Variants in STAB2 observed in about 807,000 individuals in gnomAD.
STAB2 encodes the protein stabilin-2.
STAB2 carries 288 observed loss-of-function variants against 338.1 expected under a neutral mutation model. That is an observed-to-expected ratio of 0.85 (90% confidence interval 0.77 to 0.94). The LOEUF (loss-of-function observed/expected upper bound fraction) is 0.94. Among genes scored for constraint, STAB2 ranks in the 40% least tolerant of loss-of-function variants. The pLI is 0.00. For synonymous variants in STAB2, 1,202 were observed against 1,193.3 expected (o/e 1.01, Z -0.15); for missense variants, 3,141 against 3,210.1 (o/e 0.98, Z 0.52).
intron 63 of STAB2, 68 bp from the exon 64 acceptor site, chr12:103,758,102 C>T (rs1884268796): frequency 1.2e-6 from 2 of 1,603,110 alleles, no homozygotes; most frequent in Non-Finnish European, 1.7e-6. Flanking sequence ...GCCCTGGGAC[C>T]TTCTTCAGCC....
At chr12:103,595,094 T>C (rs770106060) in intron 3 of STAB2, among the ~76,000 whole-genome samples, 18 of 152,204 alleles carry the variant, frequency 1.2e-4, no homozygotes, top group Non-Finnish European at 2.2e-4. Context: ...ATCAATGGTA[T>C]AGTTAGATTT....
chr12:103,593,605 A>G (rs1956832119), intron 2 of STAB2, among the ~76,000 whole-genome samples: 1 of 152,174 alleles, frequency 6.6e-6, no homozygotes, highest in Non-Finnish European at 1.5e-5. Context: ...ACTGTTCGTA[A>G]AGTATGTGAC....
In STAB2 at chr12:103,640,128, C is replaced by G; in HGVS notation, c.912C>G (p.His304Gln). The change falls in exon 9 of 69, where the codon CAC becomes CAG. Residue 304 changes from histidine to glutamine, a missense_variant. His to Gln is a conservative substitution (Grantham distance 24, BLOSUM62 0). Transcript: ENST00000388887. ...VCKYDGPGQSHCECKEHYQNF... is the reference protein window; with the variant it reads ...VCKYDGPGQSQCECKEHYQNF... The stretch of plus-strand genomic sequence containing the variant: ...TCTCTTCCTGTCTACTGAAGTCTCA[C>G]TGCGAGTGTAAGGAGCATTACCAGA... The G allele has an allele frequency of 2.5e-6, 4 of 1,612,012 alleles. No homozygotes were observed. The highest frequency in any genetic ancestry group is 3.4e-6 in the Non-Finnish European group (4 of 1,178,644).
At chr12:103,646,630 T>C (rs190129583) in intron 9 of STAB2, among the ~76,000 whole-genome samples, 1 of 152,352 alleles carries the variant, frequency 6.6e-6, no homozygotes, top group East Asian at 1.9e-4. Flanking sequence ...ATCCTTAGCA[T>C]GTAAGACTCA....
At chr12:103,636,906 A>G (rs1306842347) in intron 6 of STAB2, among the ~76,000 whole-genome samples, 1 of 152,246 alleles carries the variant, frequency 6.6e-6, no homozygotes, top group South Asian at 2.1e-4. Context: ...AATAAATGTT[A>G]TAAATTAATA....
rs1555238675 is a variant in STAB2 at position 103,685,453 on chromosome 12, T to TGC, written c.2997+373_2997+374dup. Among the ~76,000 whole-genome samples the TGC allele has an allele frequency of 2.7e-3, 311 of 113,672 alleles. 7 individuals are homozygous for TGC. Among genetic ancestry groups the TGC allele is most frequent in the East Asian group, 6.2e-3 (15 of 2,414 alleles). The allele number at this position is 113,672 out of a possible 152,430, so 74.6% of individuals were successfully genotyped here. ...GTGTGTGTGTGTGTGTGTGTGTGTG[T>TGC]GCGCGTGCGTGTGTGTGTGCGTGCG... On this transcript the variant is annotated intron_variant, in intron 27 of 68. Coordinates refer to ENST00000388887, the MANE Select transcript of STAB2 (RefSeq NM_017564.10).
intron 54 of STAB2, among the ~76,000 whole-genome samples, chr12:103,740,103 G>A (rs1882465244): frequency 6.6e-6 from 1 of 152,192 alleles, no homozygotes; most frequent in Non-Finnish European, 1.5e-5. Context: ...CAGCTATTAG[G>A]AAAAGTAAAT....
rs1025074650 is a variant in STAB2 at position 103,595,095 on chromosome 12, A to C, written c.331+585A>C. Among the ~76,000 whole-genome samples, 10 of 152,350 alleles carry C rather than the reference A, an allele frequency of 6.6e-5. 1 individual carries two copies. Among genetic ancestry groups the C allele is most frequent in the Admixed American group, 3.3e-4 (5 of 15,302 alleles). On this transcript the variant is annotated intron_variant, in intron 3 of 68. Coordinates refer to ENST00000388887, the MANE Select transcript of STAB2 (RefSeq NM_017564.10). ...CTAGCAAAGTCTGAATCAATGGTATAGTTAGATTTCTGCAATCAAGCATAG... is the reference window on the plus strand; with the variant it reads ...CTAGCAAAGTCTGAATCAATGGTATCGTTAGATTTCTGCAATCAAGCATAG...
intron 6 of STAB2, among the ~76,000 whole-genome samples, chr12:103,633,053 C>G (rs117780196): frequency 0.013 from 1,908 of 152,284 alleles, 14 homozygotes; most frequent in Middle Eastern, 0.051. Flanking sequence ...CTTCCTGTAG[C>G]TGGGACAGCC....
intron 36 of STAB2, 31 bp from the exon 37 acceptor site, chr12:103,705,601 A>C: frequency 1.2e-6 from 2 of 1,605,926 alleles, no homozygotes; most frequent in Non-Finnish European, 8.5e-7. Context: ...TTCCTAACTT[A>C]GGAGCTGACG....
intron 15 of STAB2, among the ~76,000 whole-genome samples, chr12:103,656,513 C>T (rs986543890): frequency 1.3e-5 from 2 of 152,128 alleles, no homozygotes; most frequent in African/African-American, 2.4e-5. Flanking sequence ...GAAATAGACA[C>T]GCTGGTAACC....
intron 50 of STAB2, 47 bp from the exon 51 acceptor site, chr12:103,732,959 T>G: frequency 3.1e-6 from 5 of 1,596,282 alleles, no homozygotes; most frequent in Non-Finnish European, 4.3e-6. Context: ...TGCCCACATG[T>G]CTGGGCCTTG....
intron 2 of STAB2, among the ~76,000 whole-genome samples, chr12:103,593,624 T>G (rs1459403743): frequency 6.6e-6 from 1 of 152,254 alleles, no homozygotes; most frequent in Non-Finnish European, 1.5e-5. Flanking sequence ...ACTGTGCTAT[T>G]AATCAGCTGT....
In STAB2 at chr12:103,704,755, T is replaced by C. The variant is rs1227199607; in HGVS notation, c.3900+141T>C. 7 of 719,786 alleles carry C rather than the reference T, an allele frequency of 9.7e-6. No individual in the cohort carries two copies. The South Asian group carries it at 1.1e-4, about 11-fold the overall frequency. The allele number at this position is 719,786 out of a possible 1,614,324, so 44.6% of individuals were successfully genotyped here. A position where few individuals can be genotyped will look rare whatever the true frequency, so the allele number is the denominator to read the frequency against. ...TTACACTTTACCTCGTTATATTATA[T>C]GCATCTTTGTAAAATCTTACATCTA... is the stretch of plus-strand genomic sequence containing the variant. On this transcript the variant is annotated intron_variant, in intron 36 of 68. Transcript: ENST00000388887.
At chr12:103,759,096 C>G (rs377024034) in intron 64 of STAB2, 37 bp from the exon 65 acceptor site, 2 of 1,613,920 alleles carry the variant, frequency 1.2e-6, no homozygotes, top group Admixed American at 1.7e-5. Flanking sequence ...ATTGCTTGGC[C>G]TTTGAAGAGC....
intron 3 of STAB2, among the ~76,000 whole-genome samples, chr12:103,618,312 A>G (rs950692211): frequency 2.0e-5 from 3 of 152,230 alleles, no homozygotes; most frequent in African/African-American, 7.2e-5. Flanking sequence ...AAGTGAAGAT[A>G]CAGTGAGAAG....
chr12:103,627,071 C>T (rs1957391882), intron 5 of STAB2, among the ~76,000 whole-genome samples: 1 of 152,186 alleles, frequency 6.6e-6, no homozygotes, highest in Non-Finnish European at 1.5e-5. Flanking sequence ...CACTATGACT[C>T]TCCAAAGGAG....
rs113009487 is a variant in STAB2 at position 103,744,501 on chromosome 12, C to A, written c.6032-672C>A. On this transcript the variant is annotated intron_variant, in intron 56 of 68. Transcript: ENST00000388887. ...TTTTTTTTTAAGACAGGGTCTCACT[C>A]TGTTACCCAGACTGGTATACAGTGG... is the stretch of plus-strand genomic sequence containing the variant. Among the ~76,000 whole-genome samples the A allele has an allele frequency of 5.8e-5, 8 of 137,878 alleles. No individual in the cohort carries two copies. The East Asian group carries it at 8.8e-4, about 15-fold the overall frequency. The allele number at this position is 137,878 out of a possible 152,430, so 90.5% of individuals were successfully genotyped here. A position where few individuals can be genotyped will look rare whatever the true frequency, so the allele number is the denominator to read the frequency against.
At chr12:103,735,898 G>T (rs528844921) in intron 52 of STAB2, among the ~76,000 whole-genome samples, 1 of 152,256 alleles carries the variant, frequency 6.6e-6, no homozygotes, top group South Asian at 2.1e-4. Flanking sequence ...AAACAGGAAA[G>T]TATACAGTCA....
Sources: allele counts gnomAD v4.1 joint callset (sites outside exome capture counted in the v4.1 genomes callset), GRCh38; gene constraint gnomAD v4.1.1; transcripts MANE v1.5; gene names NCBI Gene and HGNC (gene_info 2026-07-23, HGNC 2026-07-21).